Variants in DIP2C observed in about 807,000 individuals in gnomAD.
The protein encoded by DIP2C is DIP2 acetate--CoA ligase C (putative), also known as disco-interacting protein 2 homolog C.
DIP2C carries 33 observed loss-of-function variants against 192.4 expected under a neutral mutation model. The observed-to-expected ratio is 0.17, with a 90% CI of 0.13 to 0.23. The LOEUF (loss-of-function observed/expected upper bound fraction) is 0.23. Among genes scored for constraint, DIP2C ranks in the 10% least tolerant of loss-of-function variants. The probability of loss-of-function intolerance (pLI) is 1.00; values close to 1 mark genes in which losing one functional copy is unlikely to be tolerated. For missense variants in DIP2C, 1,537 were observed against 2,110.1 expected (o/e 0.73, Z 5.32); for synonymous variants, 979 against 864.1 (o/e 1.13, Z -2.33).
chr10:295,763 C>A (rs1221780439), intron 32 of DIP2C, among the ~76,000 whole-genome samples: 1 of 151,800 alleles, frequency 6.6e-6, no homozygotes, highest in African/African-American at 2.4e-5. Context: ...ACACACATAC[C>A]CTTGGGAGGC....
rs183164579 is a variant in DIP2C, at chr10:672,625, G to A, written c.85+16869C>T. 2.0e-3 allele frequency among the ~76,000 whole-genome samples: 299 copies of A among 152,358 alleles called. 1 individual carries two copies. Among genetic ancestry groups the A allele is most frequent in the African/African-American group, 6.8e-3 (281 of 41,582 alleles). Reference sequence around the variant, plus strand: ...AAGAACTAAAGATTGGCTGGCGACCGCTTAGAAACCATCACAATCATTCTT... The same window carrying A: ...AAGAACTAAAGATTGGCTGGCGACCACTTAGAAACCATCACAATCATTCTT... On this transcript the variant is annotated intron_variant, in intron 1 of 36. Coordinates refer to ENST00000280886, the MANE Select transcript of DIP2C (RefSeq NM_014974.3).
At chr10:392,677 G>A (rs866280105) in intron 10 of DIP2C, among the ~76,000 whole-genome samples, 1 of 152,184 alleles carries the variant, frequency 6.6e-6, no homozygotes, top group African/African-American at 2.4e-5. Flanking sequence ...GTGGGAGGCA[G>A]CCCAGTGGAG....
In DIP2C at chr10:403,918, A is replaced by C. The variant is rs1415453598; in HGVS notation, c.1150-4699T>G. 3.2e-5 allele frequency among the ~76,000 whole-genome samples: 3 copies of C among 94,246 alleles called. 1 individual carries two copies. The highest frequency in any genetic ancestry group is 8.3e-5 in the African/African-American group (2 of 24,232). The allele number at this position is 94,246 out of a possible 152,430, so 61.8% of individuals were successfully genotyped here. On this transcript the variant is annotated intron_variant, in intron 9 of 36. Coordinates refer to ENST00000280886, the MANE Select transcript of DIP2C (RefSeq NM_014974.3). ...TTGGTATGTGTTCCTCAGCACATGA[A>C]TCCTGTGATTTTACACGTGTGGTGG...
intron 1 of DIP2C, among the ~76,000 whole-genome samples, chr10:553,442 A>G (rs1423809333): frequency 6.6e-6 from 1 of 152,220 alleles, no homozygotes; most frequent in Non-Finnish European, 1.5e-5. Context: ...GCACTCCCAC[A>G]ATCTCTAACC....
intron 1 of DIP2C, among the ~76,000 whole-genome samples, chr10:593,750 C>T (rs745994985): frequency 6.6e-6 from 1 of 152,150 alleles, no homozygotes; most frequent in Non-Finnish European, 1.5e-5. Context: ...CACTGACCTC[C>T]GATAGGGCCT....
chr10:522,008 G>A (rs1186703392), intron 1 of DIP2C, among the ~76,000 whole-genome samples: 1 of 151,958 alleles, frequency 6.6e-6, no homozygotes, highest in Non-Finnish European at 1.5e-5. Context: ...TCACAGACGT[G>A]GAACAGCATG....
chr10:527,922 A>G (rs1847151906), intron 1 of DIP2C, among the ~76,000 whole-genome samples: 1 of 152,292 alleles, frequency 6.6e-6, no homozygotes, highest in South Asian at 2.1e-4. Context: ...CCACGGCTAC[A>G]CTTTACTCCC....
chr10:363,848 T>C lies in DIP2C; in HGVS notation c.2477+526A>G, dbSNP rs1959843194. Among the ~76,000 whole-genome samples, 1 of 152,180 alleles carries C rather than the reference T, an allele frequency of 6.6e-6. No individual in the cohort carries two copies. The highest frequency in any genetic ancestry group is 1.5e-5 in the Non-Finnish European group (1 of 68,026). The stretch of plus-strand genomic sequence containing the variant: ...GTATCTACTTCCTGCTCCCATCAGC[T>C]TCCAAACTGAAAAAAGGCTCTAAAA... On this transcript the variant is annotated intron_variant, in intron 20 of 36. Transcript: ENST00000280886. The surrounding 1 kb of genome is among the most constrained non-coding windows in gnomAD (Gnocchi z 5.4).
intron 29 of DIP2C, among the ~76,000 whole-genome samples, chr10:334,304 C>CAAAAAAAAAAAAAAA (rs35031456): frequency 2.4e-5 from 2 of 82,402 alleles, no homozygotes; most frequent in African/African-American, 5.1e-5. Context: ...AAGACTGTCT[C>CAAAAAAAAAAAAAAA]AAAAAAAAAA....
chr10:291,492 T>C (rs1288682983), intron 32 of DIP2C, among the ~76,000 whole-genome samples: 1 of 152,186 alleles, frequency 6.6e-6, no homozygotes, highest in Non-Finnish European at 1.5e-5. Flanking sequence ...ACCCCGTATC[T>C]AAGGGCAGAA....
intron 6 of DIP2C, among the ~76,000 whole-genome samples, chr10:417,672 TCGGATAGGCC>T (rs1564684717): frequency 7.4e-5 from 4 of 53,940 alleles, no homozygotes; most frequent in African/African-American, 2.0e-4. Flanking sequence ...CTGTCAGGGC[TCGGATAGGCC>T]TCCCTGTCCG....
chr10:336,872 C>T (rs4506562), intron 29 of DIP2C, among the ~76,000 whole-genome samples: 130,949 of 139,502 alleles, frequency 0.94, 61,702 homozygotes, highest in East Asian at 0.99. Flanking sequence ...GGTGTGTGTG[C>T]GCGTGTTGTG....
At chr10:615,604 T>C (rs537835581) in intron 1 of DIP2C, among the ~76,000 whole-genome samples, 4 of 151,578 alleles carry the variant, frequency 2.6e-5, no homozygotes, top group African/African-American at 7.3e-5. Context: ...AGAAGAGATG[T>C]AGGTTCATAT....
At chr10:529,965 C>G (rs1473838913) in intron 1 of DIP2C, among the ~76,000 whole-genome samples, 1 of 152,218 alleles carries the variant, frequency 6.6e-6, no homozygotes, top group East Asian at 1.9e-4. Flanking sequence ...AATTCGCCAC[C>G]ACGTGGCGGG....
chr10:603,064 C>G (rs1417672140), intron 1 of DIP2C, among the ~76,000 whole-genome samples: 1 of 152,096 alleles, frequency 6.6e-6, no homozygotes, highest in African/African-American at 2.4e-5. Flanking sequence ...AATTCCACAT[C>G]ACCACTAATT....
intron 2 of DIP2C, among the ~76,000 whole-genome samples, chr10:476,276 T>A (rs1423020893): frequency 6.6e-6 from 1 of 152,144 alleles, no homozygotes; most frequent in Admixed American, 6.5e-5. Context: ...TATCATGCAT[T>A]GGCCACGTGA....
At position 540,507 on chromosome 10, in the gene DIP2C, C is replaced by CT. The variant is rs766970638; in HGVS notation, c.86-53978dup. Among the ~76,000 whole-genome samples, 6 of 152,328 alleles carry CT rather than the reference C, an allele frequency of 3.9e-5. 1 individual carries two copies. In the East Asian group the frequency reaches 5.8e-4, roughly 15 times the overall value. ...GTCTTGAGTCCTCTTCTCCTTGCCCCTTCTCTCACTGAAAAAGCCTATTCT... is the reference window on the plus strand; with the variant it reads ...GTCTTGAGTCCTCTTCTCCTTGCCCCTTTCTCTCACTGAAAAAGCCTATTCT... On this transcript the variant is annotated intron_variant, in intron 1 of 36. Coordinates refer to ENST00000280886, the MANE Select transcript of DIP2C (RefSeq NM_014974.3).
chr10:621,122 G>A (rs780507532), intron 1 of DIP2C, among the ~76,000 whole-genome samples: 18 of 152,128 alleles, frequency 1.2e-4, no homozygotes, highest in Non-Finnish European at 2.1e-4. Context: ...CGACCCAAGG[G>A]GCCACTGACG....
At chr10:446,887 A>C (rs1968269017) in intron 3 of DIP2C, among the ~76,000 whole-genome samples, 1 of 152,194 alleles carries the variant, frequency 6.6e-6, no homozygotes, top group South Asian at 2.1e-4. Context: ...TTTTTGAATG[A>C]TGAGCCAAGT....
Sources: allele counts gnomAD v4.1 joint callset (sites outside exome capture counted in the v4.1 genomes callset), GRCh38; gene constraint gnomAD v4.1.1; non-coding constraint Gnocchi (gnomAD v3.1); transcripts MANE v1.5; gene names NCBI Gene and HGNC (gene_info 2026-07-23, HGNC 2026-07-21).